Variants in UGGT2 observed in about 807,000 individuals in gnomAD.
UGGT2 encodes UDP-glucose:glycoprotein glucosyltransferase 2.
UGGT2 carries 180 observed loss-of-function variants against 192.1 expected under a neutral mutation model. The ratio of observed to expected loss-of-function variants is 0.94; its 90% CI spans 0.83 to 1.06. The LOEUF (loss-of-function observed/expected upper bound fraction) is 1.06. Ranked by LOEUF, UGGT2 falls within the 50% of genes least tolerant of loss-of-function variation. The pLI is 0.00. For missense variants in UGGT2, 1,849 were observed against 1,795.7 expected, an observed-to-expected ratio of 1.03 and a Z score of -0.54; for synonymous variants, 580 against 591.0, an observed-to-expected ratio of 0.98 and a Z score of 0.27.
intron 38 of UGGT2, among the ~76,000 whole-genome samples, chr13:95,830,856 T>C (rs1280125902): frequency 1.3e-5 from 2 of 152,124 alleles, no homozygotes; most frequent in Non-Finnish European, 2.9e-5. Flanking sequence ...CTATTCACAA[T>C]AGCAAAGACT....
chr13:95,864,363 T>C (rs1890443382), intron 30 of UGGT2, among the ~76,000 whole-genome samples: 1 of 152,184 alleles, frequency 6.6e-6, no homozygotes, highest in African/African-American at 2.4e-5. Flanking sequence ...ATTCTAAAAC[T>C]TGAAAATCAG....
chr13:95,950,161 G>C (rs2050011086), intron 12 of UGGT2, among the ~76,000 whole-genome samples: 1 of 152,052 alleles, frequency 6.6e-6, no homozygotes, highest in Non-Finnish European at 1.5e-5. Flanking sequence ...AGGAGAGAAG[G>C]AAACTGCAGG....
chr13:95,907,010 G>C (rs866483499), intron 20 of UGGT2, among the ~76,000 whole-genome samples: 3 of 152,208 alleles, frequency 2.0e-5, no homozygotes, highest in Non-Finnish European at 2.9e-5. Context: ...TCCTAGCCAA[G>C]GGAAGGTGTG....
intron 24 of UGGT2, among the ~76,000 whole-genome samples, chr13:95,892,877 C>T (rs533322440): frequency 2.0e-5 from 3 of 152,188 alleles, no homozygotes; most frequent in Admixed American, 2.0e-4. Context: ...ATTGCCGCAG[C>T]CTGCAAGGCT....
At chr13:95,834,216 T>C in intron 37 of UGGT2, among the ~76,000 whole-genome samples, 1 of 79,950 alleles carries the variant, frequency 1.3e-5, no homozygotes, top group East Asian at 3.1e-4. Context: ...CTACATTGGG[T>C]TTGTGTGTGT....
At chr13:96,030,237 G>A (rs549766675) in intron 2 of UGGT2, among the ~76,000 whole-genome samples, 1 of 152,126 alleles carries the variant, frequency 6.6e-6, no homozygotes, top group Non-Finnish European at 1.5e-5. Flanking sequence ...ACACTGACTA[G>A]GTGCCTCTTT....
At chr13:95,890,135 T>C (rs1192287891) in intron 25 of UGGT2, among the ~76,000 whole-genome samples, 2 of 152,214 alleles carry the variant, frequency 1.3e-5, no homozygotes, top group East Asian at 1.9e-4. Flanking sequence ...ACAAACTCCA[T>C]GTTTCCCCTT....
intron 38 of UGGT2, among the ~76,000 whole-genome samples, chr13:95,819,557 T>A (rs1331746781): frequency 2.0e-5 from 3 of 151,988 alleles, no homozygotes; most frequent in Non-Finnish European, 4.4e-5. Flanking sequence ...TATGTATCTA[T>A]ACTTCGGTAA....
chr13:96,013,441 T>C lies in UGGT2; in HGVS notation c.526A>G (p.Thr176Ala), dbSNP rs774720371. The change falls in exon 5 of 39, where the codon ACA becomes GCA. Residue 176 changes from threonine (T) to alanine (A), a missense_variant. By Grantham distance (58) the Thr-to-Ala change is moderately conservative. Coordinates refer to ENST00000376747, the MANE Select transcript of UGGT2 (RefSeq NM_020121.4). The part of the protein sequence containing the change: ...YLFKGDHKFP[T>A]NKENLPVVIL... Reference sequence around the variant, plus strand: ...ACCACTGGTAAGTTCTCTTTGTTTGTAGGAAATTTGTGATCTCCTTTAAAT... The same window carrying C: ...ACCACTGGTAAGTTCTCTTTGTTTGCAGGAAATTTGTGATCTCCTTTAAAT... 1.9e-6 allele frequency: 3 copies of C among 1,601,308 alleles called. No homozygotes were observed. The highest frequency in any genetic ancestry group is 2.6e-6 in the Non-Finnish European group (3 of 1,175,930).
At position 95,860,844 on chromosome 13, in the gene UGGT2, T is replaced by A; in HGVS notation, c.3684A>T (p.Lys1228Asn). 1 of 1,568,622 alleles carries A rather than the reference T, an allele frequency of 6.4e-7. No homozygotes were observed. Residue 1228 changes from lysine to asparagine, a missense_variant, in exon 32 of 39, where the codon AAA becomes AAT. By Grantham distance (94) the Lys-to-Asn change is moderately conservative. Transcript: ENST00000376747. ...VSLHKENKKE[K>N]DVLNIFSVAS... ...CAACTGAAAAAATGTTTAGGACATC[T>A]TTTTCCTTTTTGTTTTCTTTATGCA...
intron 20 of UGGT2, among the ~76,000 whole-genome samples, chr13:95,906,846 C>T (rs1425565069): frequency 2.6e-5 from 4 of 152,218 alleles, no homozygotes; most frequent in Middle Eastern, 3.2e-3. Flanking sequence ...CTCCAGTCTG[C>T]AGCTCCCAGT....
chr13:95,890,541 CTTA>C (rs1270318508), intron 25 of UGGT2, among the ~76,000 whole-genome samples: 1 of 152,158 alleles, frequency 6.6e-6, no homozygotes, highest in Non-Finnish European at 1.5e-5. Flanking sequence ...CTCATTTAAC[CTTA>C]ATGATCCCCT....
At chr13:95,883,341 G>T (rs533827041) in intron 27 of UGGT2, among the ~76,000 whole-genome samples, 44 of 152,290 alleles carry the variant, frequency 2.9e-4, no homozygotes, top group Middle Eastern at 6.8e-3. Flanking sequence ...CAGACACAAA[G>T]AGCTGGAAAT....
At chr13:95,962,313 T>C (rs1047226688) in intron 12 of UGGT2, among the ~76,000 whole-genome samples, 4 of 151,932 alleles carry the variant, frequency 2.6e-5, no homozygotes, top group African/African-American at 9.7e-5. Context: ...GATAAACCAC[T>C]TGATAGACTA....
intron 12 of UGGT2, among the ~76,000 whole-genome samples, chr13:95,958,848 T>G (rs569796349): frequency 3.9e-5 from 6 of 152,088 alleles, no homozygotes; most frequent in Non-Finnish European, 7.4e-5. Flanking sequence ...GCAAGGAAAG[T>G]GTAAGTGAGA....
At chr13:95,824,999 T>C (rs1318897790) in intron 38 of UGGT2, among the ~76,000 whole-genome samples, 2 of 152,156 alleles carry the variant, frequency 1.3e-5, no homozygotes, top group African/African-American at 4.8e-5. Context: ...ATAGCTTAAT[T>C]TGGTTATTTG....
intron 38 of UGGT2, among the ~76,000 whole-genome samples, chr13:95,809,127 G>C (rs999530993): frequency 6.6e-6 from 1 of 152,214 alleles, no homozygotes. Flanking sequence ...GAATGATTTA[G>C]CTCTTTTTAA....
At chr13:95,925,806 C>CTT in intron 19 of UGGT2, 32 bp from the exon 20 acceptor site, 2 of 1,443,162 alleles carry the variant, frequency 1.4e-6, no homozygotes, top group Non-Finnish European at 1.9e-6. Flanking sequence ...CTCAAATTAA[C>CTT]TTTTTTTTTA....
intron 29 of UGGT2, among the ~76,000 whole-genome samples, chr13:95,869,300 G>C (rs1442078724): frequency 1.3e-5 from 2 of 152,022 alleles, no homozygotes; most frequent in Non-Finnish European, 2.9e-5. Context: ...TTGGACATTT[G>C]GGTTGGTTCC....
Sources: gnomAD v4.1 joint callset for allele counts (sites outside exome capture counted in the v4.1 genomes callset) on GRCh38, gnomAD v4.1.1 for gene constraint, MANE v1.5 for transcripts, NCBI Gene and HGNC (gene_info 2026-07-23, HGNC 2026-07-21) for gene names.